The following NRXN3 variants were observed in gnomAD, a reference collection of about 807,000 sequenced individuals.
NRXN3 encodes the protein neurexin III.
Under a neutral mutation model 137.6 loss-of-function variants are expected in NRXN3, and 32 were observed. The ratio of observed to expected loss-of-function variants is 0.23; its 90% confidence interval spans 0.18 to 0.31. NRXN3 has a LOEUF of 0.31. Among genes scored for constraint, NRXN3 ranks in the 10% least tolerant of loss-of-function variants. NRXN3 has a pLI of 1.00. For synonymous variants in NRXN3, 798 were observed against 784.5 expected (o/e 1.02, Z -0.29); for missense variants, 1,574 against 2,062.5 (o/e 0.76, Z 4.59).
At chr14:78,352,097 A>G (rs974257366) in intron 4 of NRXN3, among the ~76,000 whole-genome samples, 1 of 151,626 alleles carries the variant, frequency 6.6e-6, no homozygotes, top group Admixed American at 6.6e-5. Context: ...TAAAAGAAAA[A>G]AAAAAAAAAA....
At chr14:78,627,047 C>T (rs1045659402) in intron 4 of NRXN3, among the ~76,000 whole-genome samples, 1 of 151,964 alleles carries the variant, frequency 6.6e-6, no homozygotes, top group African/African-American at 2.4e-5. Context: ...TCCTTTTTCA[C>T]TCTCTTAGCT....
chr14:79,344,275 A>G (rs1350870189), intron 15 of NRXN3, among the ~76,000 whole-genome samples: 3 of 152,142 alleles, frequency 2.0e-5, no homozygotes, highest in Non-Finnish European at 4.4e-5. Flanking sequence ...AGTTTATGGT[A>G]TCCACCCAGC....
chr14:79,556,821 T>G (rs2097434202), intron 16 of NRXN3, among the ~76,000 whole-genome samples: 1 of 152,138 alleles, frequency 6.6e-6, no homozygotes. Context: ...CTCCTAAAGT[T>G]CTGGGATTAT....
chr14:79,214,084 A>T (rs1172712151), intron 15 of NRXN3, among the ~76,000 whole-genome samples: 1 of 152,254 alleles, frequency 6.6e-6, no homozygotes, highest in Non-Finnish European at 1.5e-5. Context: ...GAGCTCTGTC[A>T]TAATATCTAT....
chr14:79,409,617 C>CTATATATATA (rs796485268), intron 15 of NRXN3, among the ~76,000 whole-genome samples: 1,451 of 112,048 alleles, frequency 0.013, 14 homozygotes, highest in South Asian at 0.016. Flanking sequence ...GTGTGTGTGT[C>CTATATATATA]TATATATATA....
At chr14:78,360,705 G>A (rs545853386) in intron 4 of NRXN3, among the ~76,000 whole-genome samples, 3 of 152,262 alleles carry the variant, frequency 2.0e-5, no homozygotes, top group Non-Finnish European at 4.4e-5. Context: ...CTTTTAAATT[G>A]TATATGTATG....
At chr14:78,924,749 C>T (rs1396922289) in intron 10 of NRXN3, among the ~76,000 whole-genome samples, 1 of 152,102 alleles carries the variant, frequency 6.6e-6, no homozygotes, top group African/African-American at 2.4e-5. Context: ...GGCTAGAGAA[C>T]AGAACTTGAT....
chr14:79,846,052 T>C (rs2099369766), intron 20 of NRXN3, among the ~76,000 whole-genome samples: 1 of 151,926 alleles, frequency 6.6e-6, no homozygotes. Flanking sequence ...ATAGTTATAA[T>C]AGTAACATCA....
intron 15 of NRXN3, among the ~76,000 whole-genome samples, chr14:79,355,312 T>TC (rs1566893197): frequency 6.8e-6 from 1 of 146,540 alleles, no homozygotes; most frequent in South Asian, 2.2e-4. Context: ...ATCTCCCAAC[T>TC]CCCCCAATTC....
At chr14:78,631,994 G>A (rs952438446) in intron 4 of NRXN3, among the ~76,000 whole-genome samples, 4 of 151,666 alleles carry the variant, frequency 2.6e-5, no homozygotes, top group Non-Finnish European at 2.9e-5. Context: ...GCTGCCTGTA[G>A]TCCCACCTTC....
chr14:78,930,866 A>G (rs1421703015), intron 10 of NRXN3, among the ~76,000 whole-genome samples: 1 of 152,148 alleles, frequency 6.6e-6, no homozygotes, highest in Non-Finnish European at 1.5e-5. Context: ...TTCTCTCTGT[A>G]TATAGTCACA....
At chr14:79,289,556 G>T (rs2082822996) in intron 15 of NRXN3, among the ~76,000 whole-genome samples, 1 of 152,100 alleles carries the variant, frequency 6.6e-6, no homozygotes, top group Admixed American at 6.5e-5. Flanking sequence ...GGAGGCAGAG[G>T]TTGCAGTGAG....
At chr14:78,895,900 T>G (rs962153557) in intron 10 of NRXN3, among the ~76,000 whole-genome samples, 3 of 151,900 alleles carry the variant, frequency 2.0e-5, no homozygotes, top group Admixed American at 6.6e-5. Context: ...GTTGGCCATC[T>G]TATATGGACA....
intron 16 of NRXN3, among the ~76,000 whole-genome samples, chr14:79,552,737 A>G (rs1207254424): frequency 6.6e-6 from 1 of 152,134 alleles, no homozygotes; most frequent in African/African-American, 2.4e-5. Flanking sequence ...ACTATGGGGC[A>G]GGTGATGACA....
In NRXN3 at chr14:79,482,360, G is replaced by A. The variant is rs189597057; in HGVS notation, c.3444+14958G>A. 9.2e-5 allele frequency among the ~76,000 whole-genome samples: 14 copies of A among 152,188 alleles called. No homozygotes were observed. The East Asian group carries it at 2.7e-3, about 29-fold the overall frequency. ...TATATATTTTGCAACAGCAGTTTCA[G>A]GACCACCTTCACATACTCAGTCTAT... On this transcript the variant is annotated intron_variant, in intron 16 of 20. Transcript: ENST00000335750.
chr14:78,709,638 A>G lies in NRXN3; in HGVS notation c.1643A>G (p.Gln548Arg). Reference protein sequence around the residue: ...NDGEWYHVDIQRDGRSGTISV... With the variant: ...NDGEWYHVDIRRDGRSGTISV... ...GGGGAATGGTACCATGTGGACATTCAGCGAGATGGCAGATCAGGTAGGAAG... is the reference window on the plus strand; with the variant it reads ...GGGGAATGGTACCATGTGGACATTCGGCGAGATGGCAGATCAGGTAGGAAG... Residue 548 changes from glutamine to arginine, a missense_variant, in exon 7 of 21, where the codon CAG becomes CGG. By Grantham distance (43) the Gln-to-Arg change is conservative. Transcript: ENST00000335750. The G allele has an allele frequency of 6.2e-7, 1 of 1,611,552 alleles. No homozygotes were observed. Among genetic ancestry groups the G allele is most frequent in the Non-Finnish European group, 8.5e-7 (1 of 1,179,120 alleles).
chr14:79,238,019 T>C (rs1169706397), intron 15 of NRXN3, among the ~76,000 whole-genome samples: 4 of 152,064 alleles, frequency 2.6e-5, no homozygotes, highest in African/African-American at 9.7e-5. Context: ...AATCCAAGCT[T>C]GATAGTAGAG....
At chr14:78,617,272 A>G (rs1041499761) in intron 4 of NRXN3, among the ~76,000 whole-genome samples, 2 of 152,206 alleles carry the variant, frequency 1.3e-5, no homozygotes, top group Non-Finnish European at 2.9e-5. Flanking sequence ...TTGGGTGGCT[A>G]CCAAAAGAGA....
chr14:79,565,722 A>T (rs980113510), intron 16 of NRXN3, among the ~76,000 whole-genome samples: 7 of 152,114 alleles, frequency 4.6e-5, no homozygotes, highest in Admixed American at 1.3e-4. Flanking sequence ...TCTTTGAGGG[A>T]AAGAGATGTG....
Sources: gnomAD v4.1 joint callset for allele counts (sites outside exome capture counted in the v4.1 genomes callset) on GRCh38, gnomAD v4.1.1 for gene constraint, MANE v1.5 for transcripts, NCBI Gene and HGNC (gene_info 2026-07-23, HGNC 2026-07-21) for gene names.